Variants in AFAP1 observed in about 807,000 individuals in gnomAD.
The protein encoded by AFAP1 is actin filament associated protein 1, also known as actin filament-associated protein 1.
A neutral mutation model predicts 93.9 loss-of-function variants in AFAP1; 75 were observed. That is an observed-to-expected ratio of 0.80 (90% CI 0.66 to 0.97). AFAP1 has a LOEUF of 0.97. AFAP1 is among the 50% of genes least tolerant of loss of function. The pLI is 0.00. For missense variants in AFAP1, 1,201 were observed against 1,050.8 expected (o/e 1.14, Z -1.98); for synonymous variants, 517 against 430.7 (o/e 1.20, Z -2.48).
intron 1 of AFAP1, among the ~76,000 whole-genome samples, chr4:7,884,765 G>C (rs1224601967): frequency 6.6e-6 from 1 of 152,120 alleles, no homozygotes. Flanking sequence ...TTATAACCTG[G>C]GTGTGGAAAA....
intron 6 of AFAP1, among the ~76,000 whole-genome samples, chr4:7,831,055 G>GA (rs1453388602): frequency 6.6e-6 from 1 of 151,902 alleles, no homozygotes; most frequent in Non-Finnish European, 1.5e-5. Flanking sequence ...AGTAAAAAGG[G>GA]AAAAAAAGAT....
intron 1 of AFAP1, among the ~76,000 whole-genome samples, chr4:7,878,567 G>A (rs1208280044): frequency 2.0e-5 from 3 of 152,132 alleles, no homozygotes; most frequent in African/African-American, 7.2e-5. Context: ...TTACAATACA[G>A]GCTCTCCTAT....
At chr4:7,764,386 AAAATATAAAAAAAAAAGG>A (rs1714253044) in intron 17 of AFAP1, among the ~76,000 whole-genome samples, 1 of 141,088 alleles carries the variant, frequency 7.1e-6, no homozygotes. Context: ...TCTATTTCAA[AAAATATAAAAAAAAAAGG>A]AAGTAGAATA....
At chr4:7,787,205 G>A (rs1717380032) in intron 11 of AFAP1, among the ~76,000 whole-genome samples, 1 of 152,252 alleles carries the variant, frequency 6.6e-6, no homozygotes, top group African/African-American at 2.4e-5. Context: ...GGTTCCCGGA[G>A]CTTCTGGACT....
intron 4 of AFAP1, among the ~76,000 whole-genome samples, chr4:7,851,322 G>A (rs1207187296): frequency 6.6e-6 from 1 of 152,172 alleles, no homozygotes; most frequent in Non-Finnish European, 1.5e-5. Flanking sequence ...GTGACAGCAG[G>A]CTCCATCCAC....
intron 9 of AFAP1, among the ~76,000 whole-genome samples, chr4:7,805,986 C>T (rs114211450): frequency 0.018 from 2,739 of 152,114 alleles, 80 homozygotes; most frequent in African/African-American, 0.061. Flanking sequence ...CAGCCACAGG[C>T]GGAAATAGGG....
Position 7,786,130 on chromosome 4 carries a change from A to G in AFAP1, c.1530+64T>C, listed in dbSNP as rs574298304. The G allele has an allele frequency of 8.8e-6, 13 of 1,477,128 alleles. No homozygotes were observed. In the Admixed American group the frequency reaches 1.7e-4, roughly 20 times the overall value. The allele number at this position is 1,477,128 out of a possible 1,614,324, so 91.5% of individuals were successfully genotyped here. A position where few individuals can be genotyped will look rare whatever the true frequency, so the allele number is the denominator to read the frequency against. On this transcript the variant is annotated intron_variant, in intron 12 of 17. Coordinates refer to ENST00000420658, the MANE Select transcript of AFAP1 (RefSeq NM_001134647.2). ...GACCTGAAACCAGGGGAACTGAAGC[A>G]CAGAATTTTCACAGCCTCGGCCTCT... is the stretch of plus-strand genomic sequence containing the variant.
chr4:7,817,765 TAA>T (rs10623745), intron 7 of AFAP1, among the ~76,000 whole-genome samples: 1 of 146,110 alleles, frequency 6.8e-6, no homozygotes. Flanking sequence ...AAAGGTTAAG[TAA>T]AAAAAAAAAA....
chr4:7,819,132 C>T lies in AFAP1; in HGVS notation c.766G>A (p.Asp256Asn), dbSNP rs1419878237. ...CTTGGTGGAGGAGGACACTCTGAAT[C>T]CACGGGGCCACTACAACCACTGTAG... ...EAYSGCSGPV[D>N]SECPPPPSSP... The change falls in exon 7 of 18, where the codon GAT becomes AAT. Residue 256 changes from aspartate (D) to asparagine (N), a missense_variant. Physicochemically the swap from Asp to Asn is conservative, Grantham distance 23. Transcript: ENST00000420658. 6.2e-7 allele frequency: 1 copy of T among 1,613,720 alleles called. No individual in the cohort carries two copies. Among genetic ancestry groups the T allele is most frequent in the African/African-American group, 1.3e-5 (1 of 74,902 alleles).
chr4:7,936,731 G>A (rs943254373), intron 1 of AFAP1, among the ~76,000 whole-genome samples: 2 of 151,996 alleles, frequency 1.3e-5, no homozygotes, highest in African/African-American at 2.4e-5. Context: ...ACAGGCATGT[G>A]CCACCACACC....
At position 7,761,702 on chromosome 4, in the gene AFAP1, C is replaced by G. The variant is rs1331434143; in HGVS notation, c.*2063G>C. 1.3e-5 allele frequency: 2 copies of G among 148,798 alleles called. No individual in the cohort carries two copies. Among genetic ancestry groups the G allele is most frequent in the Admixed American group, 6.7e-5 (1 of 14,964 alleles). The allele number at this position is 148,798 out of a possible 1,614,324, so 9.2% of individuals were successfully genotyped here. A position where few individuals can be genotyped will look rare whatever the true frequency, so the allele number is the denominator to read the frequency against. ...GTGTCAACCAGGGAAACTATTTGAC[C>G]CGAAGGCAGCAAAAATCTATGGAGG... On this transcript the variant is annotated 3_prime_UTR_variant, in exon 18 of 18. Transcript: ENST00000420658.
At chr4:7,767,269 C>G (rs1560142918) in intron 17 of AFAP1, among the ~76,000 whole-genome samples, 1 of 152,168 alleles carries the variant, frequency 6.6e-6, no homozygotes, top group Non-Finnish European at 1.5e-5. Context: ...TCCCATTCAC[C>G]AAGAGGGAGC....
At chr4:7,766,918 G>A (rs1244799489) in intron 17 of AFAP1, among the ~76,000 whole-genome samples, 1 of 152,146 alleles carries the variant, frequency 6.6e-6, no homozygotes, top group Admixed American at 6.5e-5. Context: ...GAGTTGGAAG[G>A]TATTTCAGGA....
At chr4:7,765,262 C>G (rs1714391589) in intron 17 of AFAP1, among the ~76,000 whole-genome samples, 1 of 152,182 alleles carries the variant, frequency 6.6e-6, no homozygotes, top group South Asian at 2.1e-4. Flanking sequence ...GCTTTTGTAT[C>G]TGCTTCTCTC....
intron 6 of AFAP1, among the ~76,000 whole-genome samples, chr4:7,833,607 T>TTTA (rs1553842696): frequency 6.7e-5 from 10 of 150,358 alleles, no homozygotes; most frequent in African/African-American, 2.4e-4. Flanking sequence ...TTTTTTTTTT[T>TTTA]AGATGGAGTC....
rs143737934 is a variant in AFAP1, at chr4:7,793,767, C to A, written c.1326G>T (p.Ser442=). ...WIGILLAETG[S]STDPEALHYD... Reference sequence around the variant, plus strand: ...AGTGCAGAGCCTCCGGGTCTGTGGACGATCCCGTCTCTGCGAGTAAAATCC... The same window carrying A: ...AGTGCAGAGCCTCCGGGTCTGTGGAAGATCCCGTCTCTGCGAGTAAAATCC... Residue 442 remains serine, a synonymous_variant, in exon 11 of 18, where the codon TCG becomes TCT. Coordinates refer to ENST00000420658, the MANE Select transcript of AFAP1 (RefSeq NM_001134647.2). 6.4e-6 allele frequency: 10 copies of A among 1,573,746 alleles called. No individual in the cohort carries two copies. In the East Asian group the frequency reaches 9.1e-5, roughly 14 times the overall value.
intron 13 of AFAP1, chr4:7,779,081 C>T (rs113636982): frequency 3.4e-5 from 19 of 566,208 alleles, no homozygotes; most frequent in South Asian, 4.2e-5. Flanking sequence ...AAGGAGGGTA[C>T]GGCAGAGGCT....
At chr4:7,894,828 C>A (rs1718675059) in intron 1 of AFAP1, among the ~76,000 whole-genome samples, 1 of 152,172 alleles carries the variant, frequency 6.6e-6, no homozygotes, top group Non-Finnish European at 1.5e-5. Context: ...TCGAGGGCTC[C>A]TGACAGGAGG....
In AFAP1 at chr4:7,781,747, T is replaced by C. The variant is rs182282942; in HGVS notation, c.1531-120A>G. The C allele has an allele frequency of 1.3e-4, 149 of 1,174,544 alleles. No homozygotes were observed. In the East Asian group the frequency reaches 2.5e-3, roughly 20 times the overall value. 72.8% of individuals were successfully genotyped at this position (1,174,544 alleles called of 1,614,324 possible). On this transcript the variant is annotated intron_variant, in intron 12 of 17. Transcript: ENST00000420658. ...AGCATACATTGGCACCCCAACACTCTCCTGCACACAGACTGCAGTTGTTAT... is the reference window on the plus strand; with the variant it reads ...AGCATACATTGGCACCCCAACACTCCCCTGCACACAGACTGCAGTTGTTAT...
Sources: gnomAD v4.1 joint callset for allele counts (sites outside exome capture counted in the v4.1 genomes callset) on GRCh38, gnomAD v4.1.1 for gene constraint, MANE v1.5 for transcripts, NCBI Gene and HGNC (gene_info 2026-07-23, HGNC 2026-07-21) for gene names.